Variants in TRERF1 observed in about 807,000 individuals in gnomAD.
The protein encoded by TRERF1 is transcriptional regulating factor 1.
In TRERF1, 27 loss-of-function variants were observed where a neutral mutation model predicts 122.9. That is an observed-to-expected ratio of 0.22 (90% confidence interval 0.16 to 0.30). The LOEUF (loss-of-function observed/expected upper bound fraction) is 0.30, where lower values mean the gene tolerates loss of function less well. TRERF1 is among the 10% of genes least tolerant of loss of function. The pLI is 1.00. For synonymous variants in TRERF1, 636 were observed against 641.7 expected (o/e 0.99, Z 0.13); for missense variants, 1,248 against 1,560.3 (o/e 0.80, Z 3.37).
chr6:42,399,944 A>G lies in TRERF1; in HGVS notation c.-453-36865T>C, dbSNP rs539472420. ...TAATCCACACTCTTTCTGTTCTCCAAGAGGGTCCCACAGGACCTCAAATAG... is the reference window on the plus strand; with the variant it reads ...TAATCCACACTCTTTCTGTTCTCCAGGAGGGTCCCACAGGACCTCAAATAG... On this transcript the variant is annotated intron_variant, in intron 2 of 17. Coordinates refer to ENST00000372922, the Ensembl canonical transcript of TRERF1. 5.4e-4 allele frequency among the ~76,000 whole-genome samples: 83 copies of G among 152,320 alleles called. 1 individual carries two copies. Among genetic ancestry groups the G allele is most frequent in the Middle Eastern group, 3.4e-3 (1 of 294 alleles).
At chr6:42,345,242 T>C (rs1768046035) in intron 3 of TRERF1, among the ~76,000 whole-genome samples, 1 of 152,268 alleles carries the variant, frequency 6.6e-6, no homozygotes, top group Non-Finnish European at 1.5e-5. Context: ...TCTTTCTAAA[T>C]GTTTTACAAA....
intron 2 of TRERF1, among the ~76,000 whole-genome samples, chr6:42,421,465 A>G (rs1782752970): frequency 6.6e-6 from 1 of 151,328 alleles, no homozygotes; most frequent in Non-Finnish European, 1.5e-5. Context: ...CTTTCTATTC[A>G]TTTCCTTTTT....
chr6:42,341,770 A>G (rs1034735198), intron 3 of TRERF1, among the ~76,000 whole-genome samples: 32 of 152,224 alleles, frequency 2.1e-4, no homozygotes, highest in Non-Finnish European at 2.2e-4. Flanking sequence ...GCAAGTTACC[A>G]TAATCCACTG....
At chr6:42,293,207 G>GACA (rs1784574098) in intron 4 of TRERF1, among the ~76,000 whole-genome samples, 1 of 152,232 alleles carries the variant, frequency 6.6e-6, no homozygotes, top group African/African-American at 2.4e-5. Flanking sequence ...ATCTAACCCT[G>GACA]ACAGTTTGTG....
chr6:42,374,450 G>A (rs956204268), intron 2 of TRERF1, among the ~76,000 whole-genome samples: 10 of 152,198 alleles, frequency 6.6e-5, no homozygotes, highest in African/African-American at 2.4e-4. Context: ...TTCTGGCCGA[G>A]GGGAGGTAAT....
chr6:42,233,314 C>G (rs1009185025), intron 16 of TRERF1, among the ~76,000 whole-genome samples: 23 of 132,372 alleles, frequency 1.7e-4, no homozygotes, highest in African/African-American at 5.2e-4. Context: ...GAGACAGAGT[C>G]TCGCTCTGTC....
chr6:42,259,614 G>A lies in TRERF1; in HGVS notation c.1994C>T (p.Pro665Leu), dbSNP rs779423739. 9.3e-6 allele frequency: 15 copies of A among 1,613,670 alleles called. No homozygotes were observed. The highest frequency in any genetic ancestry group is 1.7e-5 in the Admixed American group (1 of 60,010). Residue 665 changes from proline (P) to leucine (L), a missense_variant, in exon 9 of 18, where the codon CCG becomes CTG. This residue lies in a region of TRERF1 where 946 missense variants were observed against 1,073.0 expected (regional missense o/e 0.88). Transcript: ENST00000372922. This position sits in a 1 kb window ranked among gnomAD's most constrained non-coding sequence, Gnocchi z 4.9. ...GGGGTTCGGGTTGTAGGAGGGCGGC[G>A]GCGGGATGAAGAGAGGTTCCGGCCG...
chr6:42,275,791 C>T lies in TRERF1; in HGVS notation c.-258-5943G>A, dbSNP rs910487095. Reference sequence around the variant, plus strand: ...AAGGCTCTACAGAGACCTCCCAGCACACTTTTTCTATACAGGGCCAGCTAG... The same window carrying T: ...AAGGCTCTACAGAGACCTCCCAGCATACTTTTTCTATACAGGGCCAGCTAG... On this transcript the variant is annotated intron_variant, in intron 4 of 17. Transcript: ENST00000372922. The surrounding 1 kb of genome is among the most constrained non-coding windows in gnomAD (Gnocchi z 4.1). 1.3e-5 allele frequency among the ~76,000 whole-genome samples: 2 copies of T among 152,222 alleles called. No individual in the cohort carries two copies. Among genetic ancestry groups the T allele is most frequent in the African/African-American group, 4.8e-5 (2 of 41,454 alleles).
chr6:42,226,681 G>A (rs1385172985), exon 18 of TRERF1: 3 of 152,198 alleles, frequency 2.0e-5, no homozygotes, highest in Admixed American at 2.0e-4. Flanking sequence ...GGGCTGCTGT[G>A]GCTCACAGCC....
intron 3 of TRERF1, among the ~76,000 whole-genome samples, chr6:42,310,159 A>G (rs949262609): frequency 2.6e-5 from 4 of 152,214 alleles, no homozygotes; most frequent in African/African-American, 9.7e-5. Flanking sequence ...GCTGGAGTGC[A>G]GTGGCTTGCT....
chr6:42,311,427 C>T (rs1015152774), intron 3 of TRERF1, among the ~76,000 whole-genome samples: 13 of 151,986 alleles, frequency 8.6e-5, no homozygotes, highest in South Asian at 8.3e-4. Flanking sequence ...TGGAGGGAGC[C>T]GGCAGGTGCG....
intron 3 of TRERF1, among the ~76,000 whole-genome samples, chr6:42,343,935 C>T (rs1252047902): frequency 6.6e-6 from 1 of 152,238 alleles, no homozygotes; most frequent in African/African-American, 2.4e-5. Flanking sequence ...GCCAGCAGAG[C>T]TGCTGAGCCT....
intron 2 of TRERF1, among the ~76,000 whole-genome samples, chr6:42,431,581 G>A (rs1214410049): frequency 1.3e-5 from 2 of 152,024 alleles, no homozygotes; most frequent in Non-Finnish European, 2.9e-5. Context: ...TTATCCTTAC[G>A]CTAAGTAGAA....
intron 3 of TRERF1, among the ~76,000 whole-genome samples, chr6:42,316,709 C>A (rs1191395439): frequency 6.6e-6 from 1 of 152,148 alleles, no homozygotes; most frequent in African/African-American, 2.4e-5. Context: ...CCTCCTTGCT[C>A]AGGGACCAAA....
intron 4 of TRERF1, among the ~76,000 whole-genome samples, chr6:42,282,037 T>C (rs985410594): frequency 5.3e-5 from 8 of 152,234 alleles, no homozygotes; most frequent in Admixed American, 3.9e-4. Flanking sequence ...GCTTTTTATG[T>C]GTCAGTTTGG....
intron 10 of TRERF1, 117 bp downstream of exon 10, chr6:42,258,018 C>T (rs1157919763): frequency 3.4e-6 from 3 of 882,540 alleles, no homozygotes; most frequent in Admixed American, 2.7e-5. Context: ...GAAATAACCA[C>T]GATCCTACAA....
chr6:42,238,186 C>T (rs1772712810), intron 15 of TRERF1, among the ~76,000 whole-genome samples: 1 of 152,128 alleles, frequency 6.6e-6, no homozygotes, highest in Non-Finnish European at 1.5e-5. Flanking sequence ...ATTAAGTAGC[C>T]CATGGCCTAC....
intron 4 of TRERF1, among the ~76,000 whole-genome samples, chr6:42,295,577 A>G (rs1784964985): frequency 6.6e-6 from 1 of 152,194 alleles, no homozygotes; most frequent in South Asian, 2.1e-4. Flanking sequence ...TGGCTGCCCC[A>G]TAAGACCAGC....
intron 2 of TRERF1, among the ~76,000 whole-genome samples, chr6:42,411,161 C>T (rs948957789): frequency 2.6e-5 from 4 of 152,186 alleles, no homozygotes; most frequent in Non-Finnish European, 2.9e-5. Flanking sequence ...TCCATCCATC[C>T]GGCTGGACTG....
Sources: gnomAD v4.1 joint callset for allele counts (sites outside exome capture counted in the v4.1 genomes callset) on GRCh38, gnomAD v4.1.1 for gene constraint, gnomAD v4.1.1 regional missense constraint, Gnocchi (gnomAD v3.1) non-coding constraint, MANE v1.5 for transcripts, NCBI Gene and HGNC (gene_info 2026-07-23, HGNC 2026-07-21) for gene names.